The following HMCN1 variants were observed in gnomAD, a reference collection of about 807,000 sequenced individuals.
HMCN1 encodes the protein hemicentin 1, also known as hemicentin-1.
HMCN1 carries 321 observed loss-of-function variants against 625.9 expected under a neutral mutation model. The ratio of observed to expected loss-of-function variants is 0.51; its 90% CI spans 0.47 to 0.56. HMCN1 has a LOEUF of 0.56. HMCN1 is among the 20% of genes least tolerant of loss of function. The probability of loss-of-function intolerance (pLI) is 0.00; values close to 1 mark genes in which losing one functional copy is unlikely to be tolerated. For synonymous variants in HMCN1, 2,425 were observed against 2,417.6 expected (o/e 1.00, Z -0.09); for missense variants, 6,588 against 6,887.3 (o/e 0.96, Z 1.54).
At chr1:185,776,442 TTGTGTGTGTGTGTGTGTG>T (rs57003461) in intron 1 of HMCN1, among the ~76,000 whole-genome samples, 5 of 147,098 alleles carry the variant, frequency 3.4e-5, no homozygotes, top group East Asian at 4.0e-4. Context: ...TTGTATAGGG[TTGTGTGTGTGTGTGTGTG>T]TGTGTGTGTG....
At chr1:186,110,314 A>G (rs777180164) in intron 71 of HMCN1, among the ~76,000 whole-genome samples, 1 of 152,160 alleles carries the variant, frequency 6.6e-6, no homozygotes, top group Non-Finnish European at 1.5e-5. Context: ...GCTTTAGGCA[A>G]TGGTAACAAT....
chr1:185,976,454 T>A (rs1651222722), intron 15 of HMCN1, among the ~76,000 whole-genome samples: 1 of 152,136 alleles, frequency 6.6e-6, no homozygotes, highest in Middle Eastern at 3.2e-3. Flanking sequence ...GAGACAACTG[T>A]ACATCAACTC....
rs140527309 is a variant in HMCN1, at chr1:186,137,589, G to A, written c.13674G>A (p.Gln4558=). The change falls in exon 88 of 107, where the codon CAG becomes CAA. Residue 4558 remains glutamine, a synonymous_variant. Transcript: ENST00000271588. ...GIQKRSRLCN[Q]PLPANGGKPC... Reference sequence around the variant, plus strand: ...AAAAGAGGAGTCGTCTGTGCAACCAGCCCCTTCCAGCCAATGGTGGGAAGC... The same window carrying A: ...AAAAGAGGAGTCGTCTGTGCAACCAACCCCTTCCAGCCAATGGTGGGAAGC... The A allele has an allele frequency of 6.2e-7, 1 of 1,613,816 alleles. No individual in the cohort carries two copies. The highest frequency in any genetic ancestry group is 1.3e-5 in the African/African-American group (1 of 74,902).
chr1:186,164,926 G>C (rs1651783140), intron 97 of HMCN1, among the ~76,000 whole-genome samples, 185 bp from the exon 98 acceptor site: 2 of 152,184 alleles, frequency 1.3e-5, no homozygotes, highest in South Asian at 4.1e-4. Flanking sequence ...TCTCTGGACT[G>C]TGATTCATGT....
Position 185,990,424 on chromosome 1 carries a change from A to C in HMCN1, c.3358A>C (p.Ile1120Leu). ...IITWAKETQL[I>L]SPFSPRHTFL... ...TACTTGGGCCAAAGAAACCCAGCTCATCTCACCGTTCTCTCCAAGGTAGGA... is the reference window on the plus strand; with the variant it reads ...TACTTGGGCCAAAGAAACCCAGCTCCTCTCACCGTTCTCTCCAAGGTAGGA... Residue 1120 changes from isoleucine (I) to leucine (L), a missense_variant, in exon 22 of 107, where the codon ATC (isoleucine) becomes CTC (leucine). Physicochemically the swap from Ile to Leu is conservative, Grantham distance 5. Transcript: ENST00000271588. 6.2e-7 allele frequency: 1 copy of C among 1,614,020 alleles called. No individual in the cohort carries two copies. The highest frequency in any genetic ancestry group is 8.5e-7 in the Non-Finnish European group (1 of 1,179,912).
intron 1 of HMCN1, among the ~76,000 whole-genome samples, chr1:185,775,367 A>C (rs1032400342): frequency 1.3e-5 from 2 of 152,140 alleles, no homozygotes; most frequent in African/African-American, 4.8e-5. Context: ...CATGCCTGTG[A>C]ATAGCCACTG....
intron 1 of HMCN1, among the ~76,000 whole-genome samples, chr1:185,755,952 G>A (rs188667968): frequency 6.6e-6 from 1 of 152,112 alleles, no homozygotes; most frequent in African/African-American, 2.4e-5. Flanking sequence ...GCTGTTTACA[G>A]TTGTAATCAT....
chr1:185,994,722 A>G lies in HMCN1; in HGVS notation c.3506-93A>G, dbSNP rs1026508304. 6 of 1,260,886 alleles carry G rather than the reference A, an allele frequency of 4.8e-6. No individual in the cohort carries two copies. The African/African-American group carries it at 7.4e-5, about 16-fold the overall frequency. The allele number at this position is 1,260,886 out of a possible 1,614,324, so 78.1% of individuals were successfully genotyped here. ...AATTCTGAAATTATTTCACTTTTCC[A>G]TGGCTGCCTGTTGATAAGGAGCTCT... On this transcript the variant is annotated intron_variant, in intron 23 of 106. Transcript: ENST00000271588.
intron 74 of HMCN1, 141 bp from the exon 75 acceptor site, chr1:186,115,117 C>A: frequency 7.5e-7 from 1 of 1,335,192 alleles, no homozygotes; most frequent in Non-Finnish European, 1.1e-6. Context: ...ATCATCACAG[C>A]ACTATTAAAA....
intron 36 of HMCN1, among the ~76,000 whole-genome samples, chr1:186,029,675 C>T (rs966242722): frequency 6.6e-6 from 1 of 151,424 alleles, no homozygotes; most frequent in Non-Finnish European, 1.5e-5. Context: ...TTCCAAGAAC[C>T]AGCTTTTGGT....
intron 55 of HMCN1, among the ~76,000 whole-genome samples, chr1:186,080,800 G>A (rs1274910692): frequency 1.3e-5 from 2 of 152,054 alleles, no homozygotes; most frequent in Non-Finnish European, 2.9e-5. Flanking sequence ...CACTTTAAAA[G>A]GTGTAATTTT....
intron 91 of HMCN1, 96 bp from the exon 92 acceptor site, chr1:186,145,307 G>C (rs1650240069): frequency 2.4e-6 from 3 of 1,233,972 alleles, no homozygotes; most frequent in Non-Finnish European, 3.3e-6. Flanking sequence ...GTGCTGAGAA[G>C]AGACTTTTTT....
chr1:186,004,849 C>T (rs1172943594), intron 29 of HMCN1, among the ~76,000 whole-genome samples: 1 of 151,912 alleles, frequency 6.6e-6, no homozygotes, highest in Non-Finnish European at 1.5e-5. Context: ...GATGGGAAAG[C>T]TGGCTAAAAC....
chr1:186,134,189 A>G (rs950728025), intron 86 of HMCN1, among the ~76,000 whole-genome samples: 3 of 152,278 alleles, frequency 2.0e-5, no homozygotes, highest in African/African-American at 7.2e-5. Context: ...AAGTGTTCAT[A>G]TTTATTATGT....
intron 69 of HMCN1, 128 bp from the exon 70 acceptor site, chr1:186,106,756 G>C: frequency 1.4e-6 from 1 of 737,254 alleles, no homozygotes; most frequent in African/African-American, 1.7e-5. Flanking sequence ...TAATCGTAGT[G>C]TTAAACAGTT....
At chr1:185,989,676 T>C (rs967831268) in intron 21 of HMCN1, 29 bp downstream of exon 21, 7 of 1,611,504 alleles carry the variant, frequency 4.3e-6, no homozygotes, top group South Asian at 2.2e-5. Flanking sequence ...ATGGTTTTTA[T>C]TGACATTGTC....
At chr1:186,115,458 T>C (rs1406507462) in intron 75 of HMCN1, 44 bp downstream of exon 75, 9 of 1,543,672 alleles carry the variant, frequency 5.8e-6, no homozygotes, top group Admixed American at 5.0e-5. Context: ...ACAAACAGTT[T>C]GTAATGAATC....
intron 1 of HMCN1, among the ~76,000 whole-genome samples, chr1:185,819,813 G>A (rs940051709): frequency 2.0e-5 from 3 of 152,170 alleles, no homozygotes; most frequent in African/African-American, 7.2e-5. Context: ...TGTTTCCATG[G>A]TGGAAAAGTC....
Position 186,165,168 on chromosome 1 carries a change from G to T in HMCN1, c.15314G>T (p.Cys5105Phe), listed in dbSNP as rs1651799673. Residue 5105 changes from cysteine (C) to phenylalanine (F), a missense_variant, in exon 98 of 107, where the codon TGT (cysteine) becomes TTT (phenylalanine). Physicochemically the swap from Cys to Phe is radical, Grantham distance 205. Coordinates refer to ENST00000271588, the MANE Select transcript of HMCN1 (RefSeq NM_031935.3). ...ACCTTAGACTCAGTTGGACCTTTTT[G>T]TGCTGGTAAGTACAGAGATAAATAA... is the stretch of plus-strand genomic sequence containing the variant. ...GFTLDSVGPF[C>F]ADEDECAAGN... 6.2e-7 allele frequency: 1 copy of T among 1,613,344 alleles called. No homozygotes were observed. Among genetic ancestry groups the T allele is most frequent in the Non-Finnish European group, 8.5e-7 (1 of 1,179,334 alleles).
Sources: allele counts gnomAD v4.1 joint callset (sites outside exome capture counted in the v4.1 genomes callset), GRCh38; gene constraint gnomAD v4.1.1; transcripts MANE v1.5; gene names NCBI Gene and HGNC (gene_info 2026-07-23, HGNC 2026-07-21).